Variants in IMMT observed in about 807,000 individuals in gnomAD.
IMMT encodes inner membrane mitochondrial protein, also known as MICOS complex subunit MIC60.
A neutral mutation model predicts 92.7 loss-of-function variants in IMMT; 40 were observed. The observed-to-expected ratio is 0.43, with a 90% CI of 0.34 to 0.56. The LOEUF (loss-of-function observed/expected upper bound fraction) is 0.56. Ranked by LOEUF, IMMT falls within the 20% of genes least tolerant of loss-of-function variation. The pLI is 0.03. For synonymous variants in IMMT, 322 were observed against 336.1 expected (o/e 0.96, Z 0.46); for missense variants, 831 against 912.1 (o/e 0.91, Z 1.14).
intron 1 of IMMT, among the ~76,000 whole-genome samples, chr2:86,192,741 T>C (rs1259501587): frequency 6.6e-6 from 1 of 152,068 alleles, no homozygotes; most frequent in East Asian, 1.9e-4. Context: ...CTATTTTGGA[T>C]CAGGATGCCC....
In IMMT at chr2:86,179,481, C is replaced by T. The variant is rs766251899; in HGVS notation, c.261G>A (p.Glu87=). Residue 87 remains glutamate (E), a synonymous_variant, in exon 3 of 15, where the codon GAG becomes GAA. Coordinates refer to ENST00000410111, the MANE Select transcript of IMMT (RefSeq NM_006839.3). Reference sequence around the variant, plus strand: ...TATAAGCTGCAGGACCAAGAACCATCTCGAAGAGTTTGTCTGAGTAAGGTA... The same window carrying T: ...TATAAGCTGCAGGACCAAGAACCATTTCGAAGAGTTTGTCTGAGTAAGGTA... ...KTIPYSDKLF[E]MVLGPAAYNV... The T allele has an allele frequency of 6.2e-7, 1 of 1,612,570 alleles. No homozygotes were observed. Among genetic ancestry groups the T allele is most frequent in the Non-Finnish European group, 8.5e-7 (1 of 1,179,502 alleles).
Position 86,153,578 on chromosome 2 carries a change from C to T in IMMT, c.1163-4G>A. On this transcript the variant is annotated splice_region_variant and splice_polypyrimidine_tract_variant and intron_variant, in intron 10 of 14. Coordinates refer to ENST00000410111, the MANE Select transcript of IMMT (RefSeq NM_006839.3). Reference sequence around the variant, plus strand: ...CACTCACCTAAGTCTGAAACACCTACAAAGGAAAAAATAGAACAGTTTGAA... The same window carrying T: ...CACTCACCTAAGTCTGAAACACCTATAAAGGAAAAAATAGAACAGTTTGAA... 6.8e-7 allele frequency: 1 copy of T among 1,466,382 alleles called. No individual in the cohort carries two copies. The highest frequency in any genetic ancestry group is 9.2e-7 in the Non-Finnish European group (1 of 1,087,010). The allele number at this position is 1,466,382 out of a possible 1,614,324, so 90.8% of individuals were successfully genotyped here. A position where few individuals can be genotyped will look rare whatever the true frequency, so the allele number is the denominator to read the frequency against.
At chr2:86,175,333 T>C (rs7566721) in intron 3 of IMMT, among the ~76,000 whole-genome samples, 69,739 of 151,798 alleles carry the variant, frequency 0.46, 16,571 homozygotes, top group Non-Finnish European at 0.51. Context: ...TATAGACACA[T>C]CATAAAAACA....
chr2:86,185,382 A>C (rs1672704719), intron 1 of IMMT, among the ~76,000 whole-genome samples: 2 of 152,206 alleles, frequency 1.3e-5, no homozygotes, highest in South Asian at 4.1e-4. Flanking sequence ...TAGATTCTCA[A>C]ATAGAGAAGG....
At chr2:86,184,679 G>C (rs1261268500) in intron 1 of IMMT, among the ~76,000 whole-genome samples, 1 of 151,214 alleles carries the variant, frequency 6.6e-6, no homozygotes, top group Non-Finnish European at 1.5e-5. Context: ...ACCTTGAAGA[G>C]ACTGTGAGCA....
At chr2:86,193,996 G>C (rs1466258185) in intron 1 of IMMT, among the ~76,000 whole-genome samples, 2 of 152,216 alleles carry the variant, frequency 1.3e-5, no homozygotes, top group African/African-American at 4.8e-5. Flanking sequence ...AGTCAGAGAG[G>C]CAAGCTCCTG....
rs925786251 is a variant in IMMT, at chr2:86,153,584, A to T, written c.1163-10T>A. 1 of 1,456,326 alleles carries T rather than the reference A, an allele frequency of 6.9e-7. No individual in the cohort carries two copies. Among genetic ancestry groups the T allele is most frequent in the Non-Finnish European group, 9.3e-7 (1 of 1,075,708 alleles). The allele number at this position is 1,456,326 out of a possible 1,614,324, so 90.2% of individuals were successfully genotyped here. ...CCTAAGTCTGAAACACCTACAAAGGAAAAAATAGAACAGTTTGAAAAAAAA... is the reference window on the plus strand; with the variant it reads ...CCTAAGTCTGAAACACCTACAAAGGTAAAAATAGAACAGTTTGAAAAAAAA... On this transcript the variant is annotated splice_polypyrimidine_tract_variant and intron_variant, in intron 10 of 14. Transcript: ENST00000410111.
intron 1 of IMMT, among the ~76,000 whole-genome samples, chr2:86,185,326 T>A (rs1366754931): frequency 1.3e-5 from 2 of 151,512 alleles, no homozygotes; most frequent in Non-Finnish European, 2.9e-5. Context: ...TATAAAAGAG[T>A]CAGGATTTGG....
At chr2:86,170,649 C>A (rs990497909) in intron 6 of IMMT, 100 bp downstream of exon 6, 2 of 740,372 alleles carry the variant, frequency 2.7e-6, no homozygotes, top group Admixed American at 2.6e-5. Context: ...ACAAAAGAAA[C>A]CACAACTAGG....
At chr2:86,171,187 A>G in intron 5 of IMMT, 21 bp downstream of exon 5, 1 of 1,561,516 alleles carries the variant, frequency 6.4e-7, no homozygotes, top group Non-Finnish European at 8.7e-7. Context: ...ATAAAAGAAC[A>G]AATAGAAATA....
rs371394842 is a variant in IMMT, at chr2:86,146,098, T to C, written c.1633A>G (p.Arg545Gly). The C allele has an allele frequency of 6.3e-7, 1 of 1,598,956 alleles. No homozygotes were observed. Among genetic ancestry groups the C allele is most frequent in the Non-Finnish European group, 8.5e-7 (1 of 1,169,972 alleles). The change falls in exon 14 of 15, where the codon AGA becomes GGA. Residue 545 changes from arginine to glycine, a missense_variant. By Grantham distance (125) the Arg-to-Gly change is moderately radical. Coordinates refer to ENST00000410111, the MANE Select transcript of IMMT (RefSeq NM_006839.3). ...FTLDINTAYA[R>G]LRGIEQAVQS... ...ACAGCCTGTTCGATTCCTCTGAGTC[T>C]GGCATAGGCAGTATTTATATCCAGA...
chr2:86,160,883 A>G (rs1354346111), intron 8 of IMMT, among the ~76,000 whole-genome samples: 1 of 152,234 alleles, frequency 6.6e-6, no homozygotes, highest in Non-Finnish European at 1.5e-5. Context: ...GAATCTCAGT[A>G]CATCTGTAGA....
At chr2:86,179,372 A>C in intron 3 of IMMT, 61 bp downstream of exon 3, 1 of 1,367,600 alleles carries the variant, frequency 7.3e-7, no homozygotes, top group Non-Finnish European at 9.8e-7. Flanking sequence ...TTTCAACATG[A>C]AAACAACTTG....
At chr2:86,173,372 G>C in intron 4 of IMMT, 1 of 335,292 alleles carries the variant, frequency 3.0e-6, no homozygotes, top group Non-Finnish European at 5.6e-6. Flanking sequence ...CCTGAGAGCG[G>C]GAGTTTGAGA....
Position 86,144,111 on chromosome 2 carries a change from G to A in IMMT, c.*157C>T. The A allele has an allele frequency of 2.6e-6, 2 of 772,758 alleles. No individual in the cohort carries two copies. The highest frequency in any genetic ancestry group is 3.8e-5 in the South Asian group (2 of 52,974). 47.9% of individuals were successfully genotyped at this position (772,758 alleles called of 1,614,324 possible). The stretch of plus-strand genomic sequence containing the variant: ...GGCGTTCACTGACATGATAGCAAAT[G>A]GAAAGAATATAAATGCAACAGGTGT... On this transcript the variant is annotated 3_prime_UTR_variant, in exon 15 of 15. Coordinates refer to ENST00000410111, the MANE Select transcript of IMMT (RefSeq NM_006839.3).
At chr2:86,157,458 G>A (rs536860089) in intron 10 of IMMT, among the ~76,000 whole-genome samples, 30 of 152,248 alleles carry the variant, frequency 2.0e-4, no homozygotes, top group African/African-American at 7.2e-4. Context: ...CCTACAACAT[G>A]AGAAGTCTGC....
intron 12 of IMMT, among the ~76,000 whole-genome samples, chr2:86,151,015 C>T (rs1410835750): frequency 6.6e-6 from 1 of 151,642 alleles, no homozygotes; most frequent in Non-Finnish European, 1.5e-5. Flanking sequence ...CTCCCTGGTT[C>T]AAGTGGTTCT....
chr2:86,144,125 TGCAACA>T lies in IMMT; in HGVS notation c.*137_*142del. 1.2e-6 allele frequency: 1 copy of T among 834,790 alleles called. No homozygotes were observed. 51.7% of individuals were successfully genotyped at this position (834,790 alleles called of 1,614,324 possible). On this transcript the variant is annotated 3_prime_UTR_variant, in exon 15 of 15. Coordinates refer to ENST00000410111, the MANE Select transcript of IMMT (RefSeq NM_006839.3). ...TGATAGCAAATGGAAAGAATATAAATGCAACAGGTGTTAACATTTAGAACAGTACTT... is the reference window on the plus strand; with the variant it reads ...TGATAGCAAATGGAAAGAATATAAATGGTGTTAACATTTAGAACAGTACTT...
At chr2:86,188,078 C>A (rs373960511) in intron 1 of IMMT, among the ~76,000 whole-genome samples, 1 of 152,070 alleles carries the variant, frequency 6.6e-6, no homozygotes, top group South Asian at 2.1e-4. Flanking sequence ...TTGCTCTTGT[C>A]GCCCAGGCTG....
Sources: gnomAD v4.1 joint callset for allele counts (sites outside exome capture counted in the v4.1 genomes callset) on GRCh38, gnomAD v4.1.1 for gene constraint, MANE v1.5 for transcripts, NCBI Gene and HGNC (gene_info 2026-07-23, HGNC 2026-07-21) for gene names.